The following PDE1C variants were observed in gnomAD, a reference collection of about 807,000 sequenced individuals.
PDE1C encodes dual specificity calcium/calmodulin-dependent 3',5'-cyclic nucleotide phosphodiesterase 1C.
Under a neutral mutation model 93.1 loss-of-function variants are expected in PDE1C, and 62 were observed. That is an observed-to-expected ratio of 0.67 (90% CI 0.54 to 0.82). The LOEUF (loss-of-function observed/expected upper bound fraction) is 0.82, where lower values mean the gene tolerates loss of function less well. Ranked by LOEUF, PDE1C falls within the 40% of genes least tolerant of loss-of-function variation. The probability of loss-of-function intolerance (pLI) is 0.00; values close to 1 mark genes in which losing one functional copy is unlikely to be tolerated. For synonymous variants in PDE1C, 325 were observed against 310.1 expected, an observed-to-expected ratio of 1.05 and a Z score of -0.50; for missense variants, 742 against 884.6, an observed-to-expected ratio of 0.84 and a Z score of 2.04.
At chr7:31,830,553 C>T (rs1451166142) in intron 11 of PDE1C, among the ~76,000 whole-genome samples, 1 of 152,178 alleles carries the variant, frequency 6.6e-6, no homozygotes, top group Non-Finnish European at 1.5e-5. Flanking sequence ...GTTAGAAACA[C>T]TCAAGTTCCT....
At chr7:31,830,492 C>T (rs1205590225) in intron 11 of PDE1C, among the ~76,000 whole-genome samples, 1 of 152,054 alleles carries the variant, frequency 6.6e-6, no homozygotes, top group Admixed American at 6.5e-5. Flanking sequence ...ATAGTTGGCA[C>T]ACAGAAGGAA....
chr7:32,252,123 C>T (rs1809437021), intron 1 of PDE1C, among the ~76,000 whole-genome samples: 1 of 152,212 alleles, frequency 6.6e-6, no homozygotes, highest in African/African-American at 2.4e-5. Flanking sequence ...TACAAGATCA[C>T]TTATGTCTCC....
chr7:31,753,444 C>A lies in PDE1C; in HGVS notation c.2070G>T (p.Leu690=). The change falls in exon 18 of 18, where the codon CTG becomes CTT. Residue 690 remains leucine, a synonymous_variant. Transcript: ENST00000396191. ...TDEHPARYKM[L]DQRIKMKKIQ... is the part of the protein sequence containing the mutation. ...TCTTTTTCATTTTGATCCTCTGATC[C>A]AGCATCTTGTACCTTGCAGGATGCT... The A allele has an allele frequency of 6.2e-7, 1 of 1,612,416 alleles. No homozygotes were observed. The highest frequency in any genetic ancestry group is 1.7e-5 in the Admixed American group (1 of 59,962).
At chr7:32,236,686 C>G (rs989413793) in intron 1 of PDE1C, among the ~76,000 whole-genome samples, 3 of 152,164 alleles carry the variant, frequency 2.0e-5, no homozygotes, top group Admixed American at 6.5e-5. Context: ...TACTGAGCAA[C>G]TGGAATTCTC....
intron 3 of PDE1C, among the ~76,000 whole-genome samples, chr7:32,123,165 G>C (rs1799391080): frequency 5.3e-5 from 8 of 152,086 alleles, no homozygotes; most frequent in Non-Finnish European, 2.9e-5. Flanking sequence ...AAACCAGGAA[G>C]AAATCAAATT....
intron 1 of PDE1C, among the ~76,000 whole-genome samples, chr7:32,371,482 G>T (rs1288084508): frequency 1.3e-5 from 2 of 152,168 alleles, no homozygotes; most frequent in African/African-American, 4.8e-5. Context: ...TATTCCTAGT[G>T]CTTGGCAGAT....
chr7:31,727,487 C>T, the PDE1C span, among the ~76,000 whole-genome samples: 4 of 152,292 alleles, frequency 2.6e-5, no homozygotes, highest in East Asian at 7.7e-4. Flanking sequence ...CACCTTCTTA[C>T]ATAAATATTT....
At chr7:31,813,507 T>G (rs1165025104) in intron 15 of PDE1C, among the ~76,000 whole-genome samples, 1 of 152,150 alleles carries the variant, frequency 6.6e-6, no homozygotes, top group Admixed American at 6.5e-5. Context: ...TCTTGATCAT[T>G]GACTTTCTGA....
At chr7:32,153,500 G>A (rs1446463827) in intron 3 of PDE1C, among the ~76,000 whole-genome samples, 1 of 152,198 alleles carries the variant, frequency 6.6e-6, no homozygotes, top group Non-Finnish European at 1.5e-5. Flanking sequence ...TCAAGGGGGA[G>A]CCTGGAACAA....
chr7:32,328,887 A>G (rs949423586), intron 1 of PDE1C, among the ~76,000 whole-genome samples: 3 of 152,242 alleles, frequency 2.0e-5, no homozygotes, highest in African/African-American at 7.2e-5. Context: ...CTGCATGTCC[A>G]GTACCTGGCA....
At chr7:31,662,095 G>A in the PDE1C span, among the ~76,000 whole-genome samples, 2 of 152,130 alleles carry the variant, frequency 1.3e-5, no homozygotes, top group African/African-American at 4.8e-5. Flanking sequence ...TTTGTAGGGT[G>A]CCAGTCCTTC....
intron 8 of PDE1C, among the ~76,000 whole-genome samples, chr7:31,849,092 A>G (rs1434670230): frequency 6.6e-6 from 1 of 152,158 alleles, no homozygotes; most frequent in African/African-American, 2.4e-5. Context: ...TCCCACTCCT[A>G]TGGAGATAAC....
At chr7:32,030,034 C>G (rs968612665) in intron 2 of PDE1C, among the ~76,000 whole-genome samples, 1 of 149,608 alleles carries the variant, frequency 6.7e-6, no homozygotes, top group African/African-American at 2.5e-5. Flanking sequence ...AATATCCAAG[C>G]TACGGGTGAG....
chr7:32,112,865 T>TATATATATATATATAC (rs1276203872), intron 3 of PDE1C, among the ~76,000 whole-genome samples: 1 of 144,800 alleles, frequency 6.9e-6, no homozygotes, highest in African/African-American at 2.6e-5. Flanking sequence ...TATATATATA[T>TATATATATATATATAC]ATATATATCT....
intron 2 of PDE1C, among the ~76,000 whole-genome samples, chr7:31,912,086 C>T (rs1265622273): frequency 6.6e-6 from 1 of 152,224 alleles, no homozygotes; most frequent in Non-Finnish European, 1.5e-5. Context: ...AAGGGTTACT[C>T]TACAGAGGCA....
At chr7:32,239,613 AACTTT>A (rs1226075182) in intron 1 of PDE1C, among the ~76,000 whole-genome samples, 6 of 152,244 alleles carry the variant, frequency 3.9e-5, no homozygotes, top group Non-Finnish European at 7.3e-5. Flanking sequence ...TTAAATGCTC[AACTTT>A]ACTTTACTAA....
chr7:31,900,512 G>A (rs969881226), intron 2 of PDE1C, among the ~76,000 whole-genome samples: 2 of 149,132 alleles, frequency 1.3e-5, no homozygotes, highest in Non-Finnish European at 3.0e-5. Flanking sequence ...TATATTAACA[G>A]TAAGTTAAAA....
At chr7:31,818,347 T>C (rs1486516217) in intron 14 of PDE1C, among the ~76,000 whole-genome samples, 1 of 152,164 alleles carries the variant, frequency 6.6e-6, no homozygotes, top group South Asian at 2.1e-4. Context: ...AAAGGTTCCC[T>C]GGAATGTTCA....
chr7:31,804,535 T>C (rs1179839943), intron 16 of PDE1C, among the ~76,000 whole-genome samples: 4 of 151,882 alleles, frequency 2.6e-5, no homozygotes, highest in Non-Finnish European at 5.9e-5. Flanking sequence ...AACCTATATG[T>C]ATTACACACA....
Sources: gnomAD v4.1 joint callset for allele counts (sites outside exome capture counted in the v4.1 genomes callset) on GRCh38, gnomAD v4.1.1 for gene constraint, MANE v1.5 for transcripts, NCBI Gene and HGNC (gene_info 2026-07-23, HGNC 2026-07-21) for gene names.